FIZ1: variants seen among roughly 807,000 people sequenced by gnomAD.
The protein encoded by FIZ1 is flt3-interacting zinc finger protein 1.
Under a neutral mutation model 5.3 loss-of-function variants are expected in FIZ1, and 2 were observed. That is an observed-to-expected ratio of 0.37 (90% CI 0.15 to 1.18). The LOEUF is 1.18. FIZ1 is among the 50% of genes most tolerant of loss of function. The probability of loss-of-function intolerance (pLI) is 0.37; values close to 1 mark genes in which losing one functional copy is unlikely to be tolerated. For missense variants in FIZ1, 631 were observed against 749.7 expected, an observed-to-expected ratio of 0.84 and a Z score of 1.85; for synonymous variants, 407 against 364.2, an observed-to-expected ratio of 1.12 and a Z score of -1.34.
Position 55,592,432 on chromosome 19 carries a change from G to T in FIZ1, c.*18C>A. The T allele has an allele frequency of 6.5e-7, 1 of 1,530,794 alleles. No homozygotes were observed. Among genetic ancestry groups the T allele is most frequent in the East Asian group, 2.4e-5 (1 of 41,518 alleles). 94.8% of individuals were successfully genotyped at this position (1,530,794 alleles called of 1,614,324 possible). A position where few individuals can be genotyped will look rare whatever the true frequency, so the allele number is the denominator to read the frequency against. ...TCCAGGAGGCTGGGTGGAGGGCAGGGCGCACGCAGCCTGGCAGTCAGTCCA... is the reference window on the plus strand; with the variant it reads ...TCCAGGAGGCTGGGTGGAGGGCAGGTCGCACGCAGCCTGGCAGTCAGTCCA... On this transcript the variant is annotated 3_prime_UTR_variant, in exon 3 of 3. Coordinates refer to ENST00000221665, the MANE Select transcript of FIZ1 (RefSeq NM_032836.3). This position sits in a 1 kb window ranked among gnomAD's most constrained non-coding sequence, Gnocchi z 6.9.
intron 2 of FIZ1, among the ~76,000 whole-genome samples, chr19:55,596,729 A>G (rs533316580): frequency 9.6e-4 from 146 of 152,184 alleles, no homozygotes; most frequent in African/African-American, 3.3e-3. Context: ...TTAGAGTGCA[A>G]TGGTGCAATC....
At chr19:55,596,566 C>T (rs1221549269) in intron 2 of FIZ1, among the ~76,000 whole-genome samples, 1 of 150,578 alleles carries the variant, frequency 6.6e-6, no homozygotes, top group Non-Finnish European at 1.5e-5. Context: ...GGGAGGATTC[C>T]TCACACTGCA....
Position 55,593,703 on chromosome 19 carries a change from G to A in FIZ1, c.295-57C>T, listed in dbSNP as rs1980174609. The A allele has an allele frequency of 2.0e-6, 3 of 1,471,668 alleles. No homozygotes were observed. Among genetic ancestry groups the A allele is most frequent in the Non-Finnish European group, 2.8e-6 (3 of 1,077,388 alleles). 91.2% of individuals were successfully genotyped at this position (1,471,668 alleles called of 1,614,324 possible). Reference sequence around the variant, plus strand: ...GGGCTGAGAACCTAGCCCGGACAACGGATTCCTGGACTCCCAGAGGGTTGT... The same window carrying A: ...GGGCTGAGAACCTAGCCCGGACAACAGATTCCTGGACTCCCAGAGGGTTGT... On this transcript the variant is annotated intron_variant, in intron 2 of 2. Transcript: ENST00000221665. This position sits in a 1 kb window ranked among gnomAD's most constrained non-coding sequence, Gnocchi z 6.3.
At chr19:55,597,522 C>T in intron 2 of FIZ1, 50 bp downstream of exon 2, 1 of 1,573,544 alleles carries the variant, frequency 6.4e-7, no homozygotes, top group Non-Finnish European at 8.6e-7. Flanking sequence ...CGGGATCCCA[C>T]CGTAGTCCTG....
Position 55,598,020 on chromosome 19 carries a change from C to T in FIZ1, c.-36-119G>A, listed in dbSNP as rs1415566331. 4 of 1,109,920 alleles carry T rather than the reference C, an allele frequency of 3.6e-6. No individual in the cohort carries two copies. The Admixed American group carries it at 8.6e-5, about 24-fold the overall frequency. 68.8% of individuals were successfully genotyped at this position (1,109,920 alleles called of 1,614,324 possible). ...GGAGACCCTCCCACTGCCCACCTCT[C>T]TAAGCCACTCTCATTGTTCTTTAAA... On this transcript the variant is annotated intron_variant, in intron 1 of 2. Coordinates refer to ENST00000221665, the MANE Select transcript of FIZ1 (RefSeq NM_032836.3).
intron 1 of FIZ1, chr19:55,598,171 C>G (rs1454045154): frequency 2.1e-5 from 9 of 437,844 alleles, no homozygotes; most frequent in South Asian, 3.5e-5. Flanking sequence ...TTCGCCAATG[C>G]GCGGCCACTG....
chr19:55,592,732 G>A lies in FIZ1; in HGVS notation c.1209C>T (p.Pro403=), dbSNP rs778266021. The A allele has an allele frequency of 3.7e-6, 6 of 1,611,742 alleles. No individual in the cohort carries two copies. Among genetic ancestry groups the A allele is most frequent in the Non-Finnish European group, 5.1e-6 (6 of 1,179,518 alleles). Residue 403 remains proline (P), a synonymous_variant, in exon 3 of 3, where the codon CCC becomes CCT. Transcript: ENST00000221665. The surrounding 1 kb of genome is among the most constrained non-coding windows in gnomAD (Gnocchi z 6.9). ...AREREPASGE[P]PSGSGRGKKI... ...TCTTGCCGCGGCCGGAGCCAGACGG[G>A]GGTTCCCCGGACGCCGGTTCCCTTT...
In FIZ1 at chr19:55,599,483, T is replaced by A. The variant is rs1367640550; in HGVS notation, c.-46A>T. The stretch of plus-strand genomic sequence containing the variant: ...CTCTTTAATTACTTACACCTCCCTC[T>A]GGGCGCCGACATTTTGGGCAGCGGG... On this transcript the variant is annotated 5_prime_UTR_variant, in exon 1 of 3. It introduces an in-frame stop codon into an upstream open reading frame of the 5' UTR. Transcript: ENST00000221665. The A allele has an allele frequency of 6.6e-6, 1 of 152,230 alleles. No homozygotes were observed. Among genetic ancestry groups the A allele is most frequent in the African/African-American group, 2.4e-5 (1 of 41,440 alleles). The allele number at this position is 152,230 out of a possible 1,614,324, so 9.4% of individuals were successfully genotyped here. A position where few individuals can be genotyped will look rare whatever the true frequency, so the allele number is the denominator to read the frequency against.
chr19:55,594,812 C>T (rs1274835061), intron 2 of FIZ1, among the ~76,000 whole-genome samples: 1 of 151,854 alleles, frequency 6.6e-6, no homozygotes, highest in Non-Finnish European at 1.5e-5. Context: ...TCTCCCTTGT[C>T]AAGCCCTGCT....
chr19:55,593,794 G>C lies in FIZ1; in HGVS notation c.295-148C>G, dbSNP rs1042041542. 2 of 747,362 alleles carry C rather than the reference G, an allele frequency of 2.7e-6. No homozygotes were observed. Among genetic ancestry groups the C allele is most frequent in the South Asian group, 3.6e-5 (2 of 55,948 alleles). 46.3% of individuals were successfully genotyped at this position (747,362 alleles called of 1,614,324 possible). ...GGAAACGCTCGTCCTATCACTCTCT[G>C]TTTGGGGTCACGGTAGATTCTTTCG... On this transcript the variant is annotated intron_variant, in intron 2 of 2. Coordinates refer to ENST00000221665, the MANE Select transcript of FIZ1 (RefSeq NM_032836.3). This position sits in a 1 kb window ranked among gnomAD's most constrained non-coding sequence, Gnocchi z 6.3.
intron 2 of FIZ1, among the ~76,000 whole-genome samples, chr19:55,597,295 G>A (rs1033602550): frequency 7.9e-5 from 12 of 152,168 alleles, no homozygotes; most frequent in Non-Finnish European, 1.3e-4. Flanking sequence ...GCGTGCACGC[G>A]GGGTATTGGC....
rs1980047857 is a variant in FIZ1, at chr19:55,592,399, A to G, written c.*51T>C. On this transcript the variant is annotated 3_prime_UTR_variant, in exon 3 of 3. Transcript: ENST00000221665. This position sits in a 1 kb window ranked among gnomAD's most constrained non-coding sequence, Gnocchi z 6.9. ...GCGCAGTCCCGAGGTCCCCTGGTCCAGGCCGAGTCCAGGAGGCTGGGTGGA... is the reference window on the plus strand; with the variant it reads ...GCGCAGTCCCGAGGTCCCCTGGTCCGGGCCGAGTCCAGGAGGCTGGGTGGA... 1.4e-6 allele frequency: 2 copies of G among 1,476,766 alleles called. No homozygotes were observed. The highest frequency in any genetic ancestry group is 4.9e-5 in the East Asian group (2 of 40,408). The allele number at this position is 1,476,766 out of a possible 1,614,324, so 91.5% of individuals were successfully genotyped here.
chr19:55,592,157 T>G lies in FIZ1; in HGVS notation c.*293A>C. 2.2e-6 allele frequency: 1 copy of G among 444,522 alleles called. No homozygotes were observed. The highest frequency in any genetic ancestry group is 4.0e-6 in the Non-Finnish European group (1 of 250,588). The allele number at this position is 444,522 out of a possible 1,614,324, so 27.5% of individuals were successfully genotyped here. ...TGCTCACTGCAAAGTCCCCATGTCT[T>G]GGGGACTTACGGCTACCCACACTCA... On this transcript the variant is annotated 3_prime_UTR_variant, in exon 3 of 3. Coordinates refer to ENST00000221665, the MANE Select transcript of FIZ1 (RefSeq NM_032836.3). This position sits in a 1 kb window ranked among gnomAD's most constrained non-coding sequence, Gnocchi z 6.9.
Position 55,597,860 on chromosome 19 carries a change from A to G in FIZ1, c.6T>C (p.Asp2=). The G allele has an allele frequency of 6.3e-7, 1 of 1,586,728 alleles. No homozygotes were observed. The highest frequency in any genetic ancestry group is 1.1e-5 in the South Asian group (1 of 88,428). Residue 2 remains aspartate, a synonymous_variant, in exon 2 of 3, where the codon GAT becomes GAC. Transcript: ENST00000221665. ...GTGCAGGGGTTGGGGCGGGGACGTC[A>G]TCCATGGTGGCGGGGAATACAGTGG... The part of the protein sequence containing the change: M[D]DVPAPTPAPA...
chr19:55,597,858 T>A lies in FIZ1; in HGVS notation c.8A>T (p.Asp3Val). The A allele has an allele frequency of 6.3e-7, 1 of 1,587,844 alleles. No homozygotes were observed. The highest frequency in any genetic ancestry group is 8.6e-7 in the Non-Finnish European group (1 of 1,167,290). ...TGGTGCAGGGGTTGGGGCGGGGACG[T>A]CATCCATGGTGGCGGGGAATACAGT... Reference protein sequence around the residue: MDDVPAPTPAPAP... With the variant: MDVVPAPTPAPAP... The change falls in exon 2 of 3, where the codon GAC becomes GTC. Residue 3 changes from aspartate to valine, a missense_variant. Physicochemically the swap from Asp to Val is radical, Grantham distance 152. Transcript: ENST00000221665.
intron 2 of FIZ1, among the ~76,000 whole-genome samples, chr19:55,596,103 G>A (rs951005881): frequency 5.3e-5 from 8 of 152,162 alleles, no homozygotes; most frequent in African/African-American, 1.9e-4. Flanking sequence ...ACTGGTGGGT[G>A]GGGGTGAGGC....
chr19:55,599,433 A>C (rs1333805185), intron 1 of FIZ1, 41 bp downstream of exon 1: 1 of 152,180 alleles, frequency 6.6e-6, no homozygotes, highest in Non-Finnish European at 1.5e-5. Context: ...CGGCCCCGGG[A>C]GGCCGGGGAA....
chr19:55,592,264 C>A lies in FIZ1; in HGVS notation c.*186G>T. On this transcript the variant is annotated 3_prime_UTR_variant, in exon 3 of 3. Transcript: ENST00000221665. The surrounding 1 kb of genome is among the most constrained non-coding windows in gnomAD (Gnocchi z 6.9). ...CTAAGGACCCTGTTTGTTTGTGGTC[C>A]CCCAGCTCCGGGGCCTTTGTGGGTT... 1.6e-6 allele frequency: 1 copy of A among 635,876 alleles called. No individual in the cohort carries two copies. The highest frequency in any genetic ancestry group is 2.6e-6 in the Non-Finnish European group (1 of 383,112). 39.4% of individuals were successfully genotyped at this position (635,876 alleles called of 1,614,324 possible).
chr19:55,596,982 G>A (rs1411962152), intron 2 of FIZ1, among the ~76,000 whole-genome samples: 1 of 152,028 alleles, frequency 6.6e-6, no homozygotes, highest in Non-Finnish European at 1.5e-5. Flanking sequence ...GTATTTTTTT[G>A]TTTCTTAAAA....
Sources: allele counts gnomAD v4.1 joint callset (sites outside exome capture counted in the v4.1 genomes callset), GRCh38; gene constraint gnomAD v4.1.1; non-coding constraint Gnocchi (gnomAD v3.1); transcripts MANE v1.5; gene names NCBI Gene and HGNC (gene_info 2026-07-23, HGNC 2026-07-21).